GCSAML: variants seen among roughly 807,000 people sequenced by gnomAD.
GCSAML encodes germinal center-associated signaling and motility-like protein.
In GCSAML, 9 loss-of-function variants were observed where a neutral mutation model predicts 13.0. That is an observed-to-expected ratio of 0.69 (90% CI 0.42 to 1.21). The LOEUF is 1.21. GCSAML is among the 50% of genes most tolerant of loss of function. The pLI is 0.00. For synonymous variants in GCSAML, 37 were observed against 52.9 expected (o/e 0.70, Z 1.31); for missense variants, 143 against 153.4 (o/e 0.93, Z 0.36).
upstream of GCSAML, among the ~76,000 whole-genome samples, chr1:247,547,733 C>A (rs995900969): frequency 1.3e-5 from 2 of 152,090 alleles, no homozygotes; most frequent in African/African-American, 2.4e-5. Flanking sequence ...GTGCCTTTAC[C>A]GCTCCATGGA....
At chr1:247,573,760 A>C (rs1340376737) in intron 4 of GCSAML, among the ~76,000 whole-genome samples, 1 of 152,176 alleles carries the variant, frequency 6.6e-6, no homozygotes, top group Non-Finnish European at 1.5e-5. Context: ...ATAGCATTGA[A>C]TCTATAAATT....
chr1:247,512,513 A>G (rs374948307), intron 1 of GCSAML, among the ~76,000 whole-genome samples: 1 of 152,054 alleles, frequency 6.6e-6, no homozygotes, highest in East Asian at 1.9e-4. Flanking sequence ...ACTTCTGTCA[A>G]TTTGTCAAAC....
At chr1:247,534,746 C>T (rs1489500926) in intron 2 of GCSAML, among the ~76,000 whole-genome samples, 1 of 152,192 alleles carries the variant, frequency 6.6e-6, no homozygotes, top group African/African-American at 2.4e-5. Flanking sequence ...ATTTACCTAT[C>T]CCTGTAACTG....
chr1:247,554,949 A>G (rs1332334655), intron 1 of GCSAML, among the ~76,000 whole-genome samples: 2 of 152,174 alleles, frequency 1.3e-5, no homozygotes, highest in East Asian at 1.9e-4. Flanking sequence ...TAAAATACCT[A>G]TTTTTGAAAA....
intron 1 of GCSAML, among the ~76,000 whole-genome samples, chr1:247,510,832 T>G (rs1268186025): frequency 6.6e-6 from 1 of 152,216 alleles, no homozygotes; most frequent in Non-Finnish European, 1.5e-5. Context: ...AATCCTGAGT[T>G]CTAATTTGAT....
At chr1:247,546,380 G>A (rs986896627), upstream of GCSAML, among the ~76,000 whole-genome samples, 1 of 151,750 alleles carries the variant, frequency 6.6e-6, no homozygotes, top group African/African-American at 2.4e-5. Flanking sequence ...ATTTTTTTGA[G>A]ACGAGTCTCG....
At chr1:247,555,705 A>G (rs1572354513) in intron 1 of GCSAML, among the ~76,000 whole-genome samples, 1 of 152,364 alleles carries the variant, frequency 6.6e-6, no homozygotes, top group Non-Finnish European at 1.5e-5. Flanking sequence ...GGAAAAGAAA[A>G]CCATCAAGGA....
At chr1:247,511,998 C>G (rs1448652892) in intron 1 of GCSAML, among the ~76,000 whole-genome samples, 1 of 152,152 alleles carries the variant, frequency 6.6e-6, no homozygotes, top group Admixed American at 6.5e-5. Context: ...GGTTGCTCTT[C>G]TCGCGGAGTA....
intron 1 of GCSAML, among the ~76,000 whole-genome samples, chr1:247,509,544 T>C (rs912558658): frequency 3.9e-5 from 6 of 152,206 alleles, no homozygotes; most frequent in African/African-American, 1.2e-4. Flanking sequence ...CTACGTTGAA[T>C]AGGAGTGGTG....
At chr1:247,555,496 T>C (rs1039408521) in intron 1 of GCSAML, among the ~76,000 whole-genome samples, 3 of 152,260 alleles carry the variant, frequency 2.0e-5, no homozygotes, top group Non-Finnish European at 2.9e-5. Flanking sequence ...AATATATTCT[T>C]TGCTTAGTGG....
At position 247,556,399 on chromosome 1, in the gene GCSAML, C is replaced by T. The variant is rs1014033302; in HGVS notation, c.30-8C>T. On this transcript the variant is annotated splice_polypyrimidine_tract_variant and splice_region_variant and intron_variant, in intron 1 of 4. Transcript: ENST00000366488. Reference sequence around the variant, plus strand: ...AATCTCTCTTTTTTCTTATGTGTTTCCATATAGTTGCCTGGGAGAGAATCA... The same window carrying T: ...AATCTCTCTTTTTTCTTATGTGTTTTCATATAGTTGCCTGGGAGAGAATCA... 1.0e-5 allele frequency: 16 copies of T among 1,602,202 alleles called. No individual in the cohort carries two copies. The highest frequency in any genetic ancestry group is 1.4e-5 in the Non-Finnish European group (16 of 1,170,140).
intron 3 of GCSAML, chr1:247,565,647 T>G (rs1668319669): frequency 3.2e-6 from 1 of 312,088 alleles, no homozygotes; most frequent in Non-Finnish European, 5.8e-6. Flanking sequence ...TATTACCAAA[T>G]TTTGAAATCC....
At chr1:247,511,890 G>A (rs149276529) in intron 1 of GCSAML, among the ~76,000 whole-genome samples, 1,786 of 152,290 alleles carry the variant, frequency 0.012, 12 homozygotes, top group Middle Eastern at 0.024. Flanking sequence ...TTAGTCTGAT[G>A]GGCTTCCCTT....
chr1:247,572,286 G>T lies in GCSAML; in HGVS notation c.169-1857G>T, dbSNP rs12059635. 2.1e-3 allele frequency among the ~76,000 whole-genome samples: 319 copies of T among 152,152 alleles called. No homozygotes were observed. The East Asian group carries it at 0.029, about 14-fold the overall frequency. On this transcript the variant is annotated intron_variant, in intron 4 of 4. Coordinates refer to ENST00000366488, the MANE Select transcript of GCSAML (RefSeq NM_145278.5). ...CTTTTGGAGGAGAAGAGGCATTCTG[G>T]TATTTGGAATTTTCAGCCTTTTTGA... is the stretch of plus-strand genomic sequence containing the variant.
chr1:247,531,661 G>T lies in GCSAML; in HGVS notation c.-148+4607G>T, dbSNP rs1666963604. ...GGTGTAAATAAGTGGGTTCAGCGCA[G>T]GAGTGACTACGGTGTAGAACAGAGC... On this transcript the variant is annotated intron_variant, in intron 2 of 5. Coordinates refer to the GCSAML transcript ENST00000366489. The T allele has an allele frequency of 6.2e-7, 1 of 1,614,102 alleles. No homozygotes were observed. The highest frequency in any genetic ancestry group is 1.3e-5 in the African/African-American group (1 of 74,926).
intron 2 of GCSAML, chr1:247,529,675 CCA>C (rs1480740625): frequency 2.0e-5 from 3 of 149,302 alleles, no homozygotes; most frequent in East Asian, 2.0e-4. Flanking sequence ...ACTATGGTGC[CCA>C]GTTTTTGTTC....
chr1:247,510,872 T>C lies in GCSAML; in HGVS notation c.-263+3639T>C, dbSNP rs545563328. Among the ~76,000 whole-genome samples the C allele has an allele frequency of 2.0e-5, 3 of 152,368 alleles. No homozygotes were observed. The South Asian group carries it at 6.2e-4, about 32-fold the overall frequency. On this transcript the variant is annotated intron_variant, in intron 1 of 5. Transcript: ENST00000366489. ...CTGTGGTCTGAGAGACTGTTTGTTA[T>C]GATTTCTGTTCTTTTGCATTTGCTG...
chr1:247,550,593 C>T (rs554128274), intron 1 of GCSAML, among the ~76,000 whole-genome samples: 105 of 151,960 alleles, frequency 6.9e-4, no homozygotes, highest in African/African-American at 2.4e-3. Context: ...GCCGAGATCC[C>T]GCCACTGCAC....
At chr1:247,511,342 C>CT (rs975732238) in intron 1 of GCSAML, among the ~76,000 whole-genome samples, 34 of 150,932 alleles carry the variant, frequency 2.3e-4, no homozygotes, top group East Asian at 5.8e-4. Flanking sequence ...GCAACCTCTG[C>CT]TTTTTTTTTG....
Sources: gnomAD v4.1 joint callset for allele counts (sites outside exome capture counted in the v4.1 genomes callset) on GRCh38, gnomAD v4.1.1 for gene constraint, MANE v1.5 for transcripts, NCBI Gene and HGNC (gene_info 2026-07-23, HGNC 2026-07-21) for gene names.